The following RIMS2 variants were observed in gnomAD, a reference collection of about 807,000 sequenced individuals.
RIMS2 encodes the protein regulating synaptic membrane exocytosis protein 2.
Under a neutral mutation model 174.4 loss-of-function variants are expected in RIMS2, and 59 were observed. That is an observed-to-expected ratio of 0.34 (90% confidence interval 0.27 to 0.42). The LOEUF (loss-of-function observed/expected upper bound fraction) is 0.42, where lower values mean the gene tolerates loss of function less well. RIMS2 is among the 10% of genes least tolerant of loss of function. RIMS2 has a pLI of 1.00. For synonymous variants in RIMS2, 606 were observed against 572.5 expected, an observed-to-expected ratio of 1.06 and a Z score of -0.84; for missense variants, 1,620 against 1,666.3, an observed-to-expected ratio of 0.97 and a Z score of 0.48.
At chr8:103,826,762 G>A (rs1053689366) in intron 3 of RIMS2, among the ~76,000 whole-genome samples, 10 of 150,782 alleles carry the variant, frequency 6.6e-5, no homozygotes, top group Admixed American at 6.6e-4. Flanking sequence ...GCTGACTACA[G>A]CCTCCAACTC....
chr8:103,857,391 G>A (rs2099033733), intron 3 of RIMS2, among the ~76,000 whole-genome samples: 1 of 151,844 alleles, frequency 6.6e-6, no homozygotes, highest in South Asian at 2.1e-4. Context: ...TTAATCTTAA[G>A]CAGCTATTTG....
chr8:103,977,621 GA>G, intron 16 of RIMS2: 1 of 152,226 alleles, frequency 6.6e-6, no homozygotes, highest in African/African-American at 2.4e-5. Flanking sequence ...CTGTAATCTG[GA>G]AATTGTATCA....
intron 1 of RIMS2, among the ~76,000 whole-genome samples, chr8:103,619,009 A>G (rs1229385479): frequency 6.6e-6 from 1 of 151,610 alleles, no homozygotes. Flanking sequence ...CAATGTTTGA[A>G]CTTCTAGATC....
At chr8:103,871,654 C>T (rs1302150032) in intron 3 of RIMS2, among the ~76,000 whole-genome samples, 2 of 151,964 alleles carry the variant, frequency 1.3e-5, no homozygotes, top group Non-Finnish European at 2.9e-5. Flanking sequence ...CTGACGTGTT[C>T]TGATTTCATA....
rs891296624 is a variant in RIMS2, at chr8:103,931,475, T to G, written c.2375+82T>G. ...CAATGGGTATTTCAATTCTGTATCA[T>G]TTATTGGTATCATACTAGTGAGATA... is the stretch of plus-strand genomic sequence containing the variant. On this transcript the variant is annotated intron_variant, in intron 12 of 23. Coordinates refer to ENST00000504942, the Ensembl canonical transcript of RIMS2. 3 of 957,222 alleles carry G rather than the reference T, an allele frequency of 3.1e-6. No individual in the cohort carries two copies. The African/African-American group carries it at 4.9e-5, about 16-fold the overall frequency. 59.3% of individuals were successfully genotyped at this position (957,222 alleles called of 1,614,324 possible).
At chr8:103,964,593 A>G (rs537890351) in intron 15 of RIMS2, among the ~76,000 whole-genome samples, 10 of 152,254 alleles carry the variant, frequency 6.6e-5, no homozygotes, top group Non-Finnish European at 1.0e-4. Context: ...TCTTTTACAC[A>G]TATTTTCTCT....
intron 3 of RIMS2, among the ~76,000 whole-genome samples, chr8:103,824,860 G>C (rs1422985910): frequency 6.6e-6 from 1 of 152,194 alleles, no homozygotes; most frequent in Non-Finnish European, 1.5e-5. Context: ...CCTTTGAAAT[G>C]TGAGACGTAG....
chr8:103,513,266 G>T (rs1827435019), intron 1 of RIMS2, among the ~76,000 whole-genome samples: 1 of 152,160 alleles, frequency 6.6e-6, no homozygotes, highest in South Asian at 2.1e-4. Flanking sequence ...ATAGGGGATA[G>T]AAAACGAGAT....
chr8:103,588,012 G>T (rs1410622471), intron 1 of RIMS2, among the ~76,000 whole-genome samples: 4 of 151,928 alleles, frequency 2.6e-5, no homozygotes, highest in Non-Finnish European at 5.9e-5. Context: ...AAAACCTAAA[G>T]ACTCCACAAG....
chr8:103,652,600 C>G, intron 1 of RIMS2, 24 bp from the exon 3 acceptor site: 1 of 1,231,136 alleles, frequency 8.1e-7, no homozygotes, highest in Non-Finnish European at 1.1e-6. Context: ...GTTATTCAGT[C>G]ACATTATTTG....
At chr8:103,800,425 C>T (rs1396640099) in intron 3 of RIMS2, among the ~76,000 whole-genome samples, 1 of 152,086 alleles carries the variant, frequency 6.6e-6, no homozygotes, top group Non-Finnish European at 1.5e-5. Context: ...AGGGTGAATG[C>T]TTTGAGTCTT....
rs115981947 is a variant in RIMS2 at position 103,836,885 on chromosome 8, A to T, written c.699-48413A>T. Among the ~76,000 whole-genome samples the T allele has an allele frequency of 3.6e-3, 549 of 152,326 alleles. 4 individuals carry two copies. The highest frequency in any genetic ancestry group is 0.012 in the African/African-American group (515 of 41,590). The stretch of plus-strand genomic sequence containing the variant: ...ATTTTTTAGTGTTGGCATTGCAACA[A>T]ATGTATAGATGAGCAGTTTCAATGA... On this transcript the variant is annotated intron_variant, in intron 3 of 23. Transcript: ENST00000504942.
chr8:103,546,754 G>A (rs887876998), intron 1 of RIMS2, among the ~76,000 whole-genome samples: 2 of 152,158 alleles, frequency 1.3e-5, no homozygotes, highest in African/African-American at 4.8e-5. Flanking sequence ...GCCATGGGAT[G>A]TGCTCTCTGC....
intron 19 of RIMS2, among the ~76,000 whole-genome samples, chr8:104,079,620 T>TATAG (rs2097370205): frequency 7.6e-6 from 1 of 132,442 alleles, no homozygotes; most frequent in Non-Finnish European, 1.6e-5. Context: ...TATATATATA[T>TATAG]ATATATATAT....
At chr8:103,612,325 C>T (rs1017507963) in intron 1 of RIMS2, among the ~76,000 whole-genome samples, 3 of 152,062 alleles carry the variant, frequency 2.0e-5, no homozygotes, top group African/African-American at 7.2e-5. Flanking sequence ...TTATGTTTTT[C>T]TGGATGGTTT....
At chr8:103,692,854 G>A (rs1320523743) in intron 1 of RIMS2, among the ~76,000 whole-genome samples, 2 of 152,196 alleles carry the variant, frequency 1.3e-5, no homozygotes, top group Non-Finnish European at 2.9e-5. Context: ...GAGGGGTGAT[G>A]CAAGCACTCC....
At chr8:103,879,733 A>C (rs1024454076) in intron 3 of RIMS2, among the ~76,000 whole-genome samples, 1 of 151,628 alleles carries the variant, frequency 6.6e-6, no homozygotes, top group African/African-American at 2.4e-5. Flanking sequence ...TAAAAACAGC[A>C]CAGCACTTTT....
At chr8:103,685,671 G>T (rs2096932645) in intron 1 of RIMS2, among the ~76,000 whole-genome samples, 1 of 152,020 alleles carries the variant, frequency 6.6e-6, no homozygotes, top group Non-Finnish European at 1.5e-5. Flanking sequence ...ACTTCCCATT[G>T]CATCCATTGA....
At chr8:103,500,852 C>T (rs1819306589) in exon 1 of RIMS2, 2 of 1,486,664 alleles carry the variant, frequency 1.3e-6, no homozygotes, top group East Asian at 2.5e-5. Context: ...GGAGTTGCCT[C>T]CCCGCTTCCC....
Sources: allele counts gnomAD v4.1 joint callset (sites outside exome capture counted in the v4.1 genomes callset), GRCh38; gene constraint gnomAD v4.1.1; transcripts MANE v1.5; gene names NCBI Gene and HGNC (gene_info 2026-07-23, HGNC 2026-07-21).